The following HDAC9 variants were observed in gnomAD, a reference collection of about 807,000 sequenced individuals.
HDAC9 encodes MEF-2 interacting transcription repressor (MITR) protein.
Under a neutral mutation model 139.4 loss-of-function variants are expected in HDAC9, and 41 were observed. That is an observed-to-expected ratio of 0.29 (90% CI 0.23 to 0.38). The LOEUF (loss-of-function observed/expected upper bound fraction) is 0.38. Among genes scored for constraint, HDAC9 ranks in the 10% least tolerant of loss-of-function variants. The pLI is 1.00. For synonymous variants in HDAC9, 517 were observed against 476.2 expected, an observed-to-expected ratio of 1.09 and a Z score of -1.12; for missense variants, 1,147 against 1,297.0, an observed-to-expected ratio of 0.88 and a Z score of 1.78.
At chr7:18,981,057 C>G (rs1456951547) in intron 25 of HDAC9, among the ~76,000 whole-genome samples, 1 of 152,032 alleles carries the variant, frequency 6.6e-6, no homozygotes, top group Non-Finnish European at 1.5e-5. Context: ...ATCTCCTGAC[C>G]TCATGATCAG....
At chr7:18,780,412 G>A (rs117841006) in intron 16 of HDAC9, among the ~76,000 whole-genome samples, 1 of 152,152 alleles carries the variant, frequency 6.6e-6, no homozygotes, top group Non-Finnish European at 1.5e-5. Flanking sequence ...TGTCTCCCTT[G>A]GGAAAATAGT....
At chr7:18,603,327 ATGTT>A (rs1220024892) in intron 6 of HDAC9, among the ~76,000 whole-genome samples, 25 of 152,090 alleles carry the variant, frequency 1.6e-4, no homozygotes, top group African/African-American at 4.3e-4. Flanking sequence ...AATATCTAGA[ATGTT>A]TGTAACTGTT....
intron 1 of HDAC9, among the ~76,000 whole-genome samples, chr7:18,149,581 C>T (rs528714982): frequency 4.2e-4 from 64 of 151,758 alleles, no homozygotes; most frequent in Non-Finnish European, 7.5e-4. Flanking sequence ...GACAGAGTCT[C>T]AGTCTGTCGC....
chr7:18,967,937 C>T (rs1383185075), intron 24 of HDAC9, among the ~76,000 whole-genome samples: 2 of 151,840 alleles, frequency 1.3e-5, no homozygotes, highest in African/African-American at 4.8e-5. Context: ...CCGAGGCGGG[C>T]GGATCACCTG....
intron 12 of HDAC9, among the ~76,000 whole-genome samples, chr7:18,701,602 C>G (rs1441821548): frequency 1.3e-5 from 2 of 152,110 alleles, no homozygotes; most frequent in Admixed American, 6.5e-5. Context: ...AAATACAATG[C>G]TGTTTCAAAA....
chr7:18,757,899 C>T (rs767680693), intron 14 of HDAC9, among the ~76,000 whole-genome samples: 6 of 152,080 alleles, frequency 3.9e-5, no homozygotes, highest in East Asian at 1.9e-4. Flanking sequence ...TTGTGAGACT[C>T]AATGATATGG....
At chr7:18,273,063 T>C (rs1796486323) in intron 2 of HDAC9, among the ~76,000 whole-genome samples, 1 of 122,724 alleles carries the variant, frequency 8.1e-6, no homozygotes, top group African/African-American at 3.4e-5. Context: ...TTCGTTTTTT[T>C]TTTTTTTTTT....
rs534530871 is a variant in HDAC9, at chr7:18,985,050, A to T, written c.3170+9097A>T. On this transcript the variant is annotated intron_variant, in intron 25 of 25. Transcript: ENST00000686413. ...GTACTGAGAATATTTCTGGATCTTTATTTTTTTTTAATTCTTTTTCTATTT... is the reference window on the plus strand; with the variant it reads ...GTACTGAGAATATTTCTGGATCTTTTTTTTTTTTTAATTCTTTTTCTATTT... Among the ~76,000 whole-genome samples, 332 of 151,286 alleles carry T rather than the reference A, an allele frequency of 2.2e-3. 1 individual carries two copies. Among genetic ancestry groups the T allele is most frequent in the African/African-American group, 7.5e-3 (310 of 41,164 alleles).
intron 22 of HDAC9, among the ~76,000 whole-genome samples, chr7:18,932,279 C>T (rs1804813091): frequency 1.3e-5 from 2 of 152,108 alleles, no homozygotes; most frequent in Non-Finnish European, 2.9e-5. Flanking sequence ...TACCTTTTGG[C>T]AATTGCCCCT....
intron 1 of HDAC9, among the ~76,000 whole-genome samples, chr7:18,133,845 G>A (rs989935044): frequency 2.0e-5 from 3 of 151,834 alleles, no homozygotes; most frequent in East Asian, 3.9e-4. Flanking sequence ...TTTCCATGGC[G>A]TTACATTTTA....
chr7:18,334,026 C>G (rs929800538), intron 1 of HDAC9, among the ~76,000 whole-genome samples: 1 of 151,166 alleles, frequency 6.6e-6, no homozygotes, highest in Non-Finnish European at 1.5e-5. Flanking sequence ...TAGAAAAATA[C>G]AGATTTTGAA....
intron 6 of HDAC9, among the ~76,000 whole-genome samples, chr7:18,609,010 A>G (rs1216612520): frequency 6.6e-6 from 1 of 152,174 alleles, no homozygotes; most frequent in Non-Finnish European, 1.5e-5. Flanking sequence ...TGTTATTATT[A>G]TTATTTTTTT....
intron 1 of HDAC9, among the ~76,000 whole-genome samples, chr7:18,420,187 A>G (rs111484250): frequency 9.2e-5 from 14 of 152,336 alleles, no homozygotes; most frequent in African/African-American, 3.4e-4. Flanking sequence ...CACTTGGGAC[A>G]AGCGTACTAT....
intron 1 of HDAC9, among the ~76,000 whole-genome samples, chr7:18,320,307 A>G (rs1312400161): frequency 6.6e-6 from 1 of 152,076 alleles, no homozygotes; most frequent in Non-Finnish European, 1.5e-5. Context: ...CAGTGGTGAC[A>G]CCTCCACAAG....
chr7:18,706,115 G>C (rs887143451), intron 12 of HDAC9, among the ~76,000 whole-genome samples: 1 of 121,320 alleles, frequency 8.2e-6, no homozygotes, highest in Non-Finnish European at 1.7e-5. Flanking sequence ...TAACCAGGTC[G>C]TTTGTTTACA....
At position 18,956,939 on chromosome 7, in the gene HDAC9, C is replaced by T. The variant is rs936669283; in HGVS notation, c.3022+2709C>T. Among the ~76,000 whole-genome samples the T allele has an allele frequency of 5.9e-5, 9 of 152,090 alleles. No individual in the cohort carries two copies. In the South Asian group the frequency reaches 8.3e-4, roughly 14 times the overall value. ...GTGTTGCTGCCTAAAATTCTTACTG[C>T]GTTTTAAAGAAGCAGCCCATATTTT... is the stretch of plus-strand genomic sequence containing the variant. On this transcript the variant is annotated intron_variant, in intron 24 of 25. Coordinates refer to ENST00000686413, the MANE Select transcript of HDAC9 (RefSeq NM_178425.4).
chr7:18,094,152 G>A (rs1782347288), intron 1 of HDAC9, among the ~76,000 whole-genome samples: 1 of 152,076 alleles, frequency 6.6e-6, no homozygotes, highest in African/African-American at 2.4e-5. Flanking sequence ...CCAGGCAAAG[G>A]GAGTTTTATT....
intron 12 of HDAC9, among the ~76,000 whole-genome samples, chr7:18,693,554 T>G (rs1032981396): frequency 1.3e-5 from 2 of 152,132 alleles, no homozygotes; most frequent in African/African-American, 4.8e-5. Flanking sequence ...AACAGATGCT[T>G]CTGGTGGTGC....
At position 18,644,701 on chromosome 7, in the gene HDAC9, C is replaced by G. The variant is rs761009427; in HGVS notation, c.943C>G (p.His315Asp). 4.3e-6 allele frequency: 7 copies of G among 1,611,590 alleles called. No homozygotes were observed. The highest frequency in any genetic ancestry group is 1.1e-5 in the South Asian group (1 of 90,834). ...GGTTTCACAGCAACGCATTCTAATTCATGAAGATTCCATGAACCTGCTAAG... is the reference window on the plus strand; with the variant it reads ...GGTTTCACAGCAACGCATTCTAATTGATGAAGATTCCATGAACCTGCTAAG... ...QMVSQQRILI[H>D]EDSMNLLSLY... The change falls in exon 9 of 26, where the codon CAT (histidine) becomes GAT (aspartate). Residue 315 changes from histidine (H) to aspartate (D), a missense_variant. Transcript: ENST00000686413.
Sources: allele counts gnomAD v4.1 joint callset (sites outside exome capture counted in the v4.1 genomes callset), GRCh38; gene constraint gnomAD v4.1.1; transcripts MANE v1.5; gene names NCBI Gene and HGNC (gene_info 2026-07-23, HGNC 2026-07-21).